The following AKR7A2 variants were observed in gnomAD, a reference collection of about 807,000 sequenced individuals.
AKR7A2 encodes the protein aldo-keto reductase family 7 member A2, also known as aflatoxin B1 aldehyde reductase member 2.
In AKR7A2, 29 loss-of-function variants were observed where a neutral mutation model predicts 37.3. That is an observed-to-expected ratio of 0.78 (90% CI 0.58 to 1.06). The LOEUF (loss-of-function observed/expected upper bound fraction) is 1.06. Ranked by LOEUF, AKR7A2 falls within the 50% of genes least tolerant of loss-of-function variation. The pLI is 0.00. For missense variants in AKR7A2, 529 were observed against 497.9 expected (o/e 1.06, Z -0.59); for synonymous variants, 228 against 217.8 (o/e 1.05, Z -0.41).
rs765115011 is a variant in AKR7A2 at position 19,311,943 on chromosome 1, C to T, written c.182G>A (p.Arg61His). 6.3e-7 allele frequency: 1 copy of T among 1,597,748 alleles called. No homozygotes were observed. Among genetic ancestry groups the T allele is most frequent in the Non-Finnish European group, 8.5e-7 (1 of 1,173,356 alleles). ...GGTGTGGCCGCGCTCCAGAAAGGCG[C>T]GCACGGCCGCGGCGCTGGCGGGCGC... is the stretch of plus-strand genomic sequence containing the variant. ...MDAPASAAAV[R>H]AFLERGHTEL... Residue 61 changes from arginine to histidine, a missense_variant, in exon 1 of 7, where the codon CGC (arginine) becomes CAC (histidine). Arg to His is a conservative substitution (Grantham distance 29). Transcript: ENST00000235835.
At chr1:19,307,878 C>A in intron 3 of AKR7A2, 1 of 556,430 alleles carries the variant, frequency 1.8e-6, no homozygotes, top group Non-Finnish European at 3.2e-6. Flanking sequence ...AGTGCTTCTC[C>A]CAGGGAGGAG....
At chr1:19,311,102 T>A (rs1343375048) in intron 1 of AKR7A2, among the ~76,000 whole-genome samples, 1 of 152,208 alleles carries the variant, frequency 6.6e-6, no homozygotes, top group Non-Finnish European at 1.5e-5. Flanking sequence ...AAGGCTGAGC[T>A]CCATCCAGCA....
At chr1:19,305,910 A>C in intron 6 of AKR7A2, 108 bp downstream of exon 6, 1 of 1,586,722 alleles carries the variant, frequency 6.3e-7, no homozygotes, top group Non-Finnish European at 8.6e-7. Context: ...AATTGGAAGA[A>C]AGAAAAATTT....
Position 19,304,012 on chromosome 1 carries a change from G to T in AKR7A2, c.*213C>A. On this transcript the variant is annotated 3_prime_UTR_variant, in exon 7 of 7. Transcript: ENST00000235835. Reference sequence around the variant, plus strand: ...TAGGCTACAGCCAGGTCAAGTGCCTGCTTTATTCAACAGGAAGCGCTCAAG... The same window carrying T: ...TAGGCTACAGCCAGGTCAAGTGCCTTCTTTATTCAACAGGAAGCGCTCAAG... 1.3e-6 allele frequency: 1 copy of T among 763,374 alleles called. No homozygotes were observed. The highest frequency in any genetic ancestry group is 2.2e-6 in the Non-Finnish European group (1 of 464,884). The allele number at this position is 763,374 out of a possible 1,614,324, so 47.3% of individuals were successfully genotyped here.
At position 19,312,085 on chromosome 1, in the gene AKR7A2, C is replaced by T. The variant is rs1172196781; in HGVS notation, c.40G>A (p.Val14Ile). Residue 14 changes from valine (V) to isoleucine (I), a missense_variant, in exon 1 of 7, where the codon GTC (valine) becomes ATC (isoleucine). Val to Ile is a conservative substitution (Grantham distance 29). Coordinates refer to ENST00000235835, the MANE Select transcript of AKR7A2 (RefSeq NM_003689.4). ...AASRVVSRAA[V>I]HCALRSPPPE... is the part of the protein sequence containing the mutation. Reference sequence around the variant, plus strand: ...GGCGGAGAGCGAAGCGCGCAGTGGACGGCGGCGCGGGAGACTACGCGAGAC... The same window carrying T: ...GGCGGAGAGCGAAGCGCGCAGTGGATGGCGGCGCGGGAGACTACGCGAGAC... 1 of 1,340,884 alleles carries T rather than the reference C, an allele frequency of 7.5e-7. No homozygotes were observed. Among genetic ancestry groups the T allele is most frequent in the Non-Finnish European group, 9.5e-7 (1 of 1,056,316 alleles). The allele number at this position is 1,340,884 out of a possible 1,614,324, so 83.1% of individuals were successfully genotyped here.
intron 3 of AKR7A2, chr1:19,307,838 C>T (rs2093764562): frequency 1.9e-6 from 1 of 520,362 alleles, no homozygotes. Context: ...AGAAAGGCTT[C>T]CAGAGGAGGA....
rs541997685 is a variant in AKR7A2 at position 19,308,097 on chromosome 1, A to G, written c.591+61T>C. The G allele has an allele frequency of 3.4e-5, 54 of 1,605,828 alleles. No individual in the cohort carries two copies. In the African/African-American group the frequency reaches 7.1e-4, roughly 21 times the overall value. ...GGCACAGGGGGCAGTCAGGGGGGCA[A>G]AGAGAGCCCAGGATTAGCAGGAGTC... is the stretch of plus-strand genomic sequence containing the variant. On this transcript the variant is annotated intron_variant, in intron 3 of 6. Transcript: ENST00000235835.
rs1257156082 is a variant in AKR7A2 at position 19,304,344 on chromosome 1, C to T, written c.961G>A (p.Glu321Lys). The change falls in exon 7 of 7, where the codon GAG becomes AAG. Residue 321 changes from glutamate (E) to lysine (K), a missense_variant. Glu to Lys is a moderately conservative substitution (Grantham distance 56). Transcript: ENST00000235835. Reference protein sequence around the residue: ...DAVILGMSSLEQLEQNLAATE... With the variant: ...DAVILGMSSLKQLEQNLAATE... ...GCTGCCAAGTTCTGCTCCAGCTGCT[C>T]CAGGCTGGACATGCCCAGGATGACC... The T allele has an allele frequency of 6.2e-7, 1 of 1,614,044 alleles. No individual in the cohort carries two copies. The highest frequency in any genetic ancestry group is 8.5e-7 in the Non-Finnish European group (1 of 1,180,046).
intron 4 of AKR7A2, 81 bp downstream of exon 4, chr1:19,307,233 C>A: frequency 6.2e-7 from 1 of 1,604,784 alleles, no homozygotes; most frequent in Non-Finnish European, 8.5e-7. Context: ...TCTTGTCAAA[C>A]CCTCCCTGCT....
At chr1:19,310,457 G>T (rs1240115612) in intron 1 of AKR7A2, among the ~76,000 whole-genome samples, 1 of 152,118 alleles carries the variant, frequency 6.6e-6, no homozygotes, top group Non-Finnish European at 1.5e-5. Context: ...CAGCACTTTG[G>T]GAGGCTGAGG....
At chr1:19,303,199 C>G (rs765941979), downstream of AKR7A2, among the ~76,000 whole-genome samples, 1 of 152,084 alleles carries the variant, frequency 6.6e-6, no homozygotes, top group Non-Finnish European at 1.5e-5. Flanking sequence ...CCCCGGAGGT[C>G]AAAATTGCTG....
At position 19,308,505 on chromosome 1, in the gene AKR7A2, C is replaced by T. The variant is rs761320700; in HGVS notation, c.436G>A (p.Gly146Ser). The T allele has an allele frequency of 3.7e-6, 6 of 1,614,040 alleles. No individual in the cohort carries two copies. In the African/African-American group the frequency reaches 4.0e-5, roughly 11 times the overall value. ...DLFYLHAPDHGTPVEETLHAC... is the reference protein window; with the variant it reads ...DLFYLHAPDHSTPVEETLHAC... ...TGCAGCGTCTCTTCCACCGGGGTGC[C>T]GTGGTCAGGTGCGTGTAGGTAGAAG... The change falls in exon 2 of 7, where the codon GGC (glycine) becomes AGC (serine). Residue 146 changes from glycine (G) to serine (S), a missense_variant. Physicochemically the swap from Gly to Ser is moderately conservative, Grantham distance 56 (BLOSUM62 0). Coordinates refer to ENST00000235835, the MANE Select transcript of AKR7A2 (RefSeq NM_003689.4).
rs531443451 is a variant in AKR7A2, at chr1:19,304,437, C to T, written c.919-51G>A. 7 of 1,613,724 alleles carry T rather than the reference C, an allele frequency of 4.3e-6. No individual in the cohort carries two copies. The South Asian group carries it at 5.5e-5, about 13-fold the overall frequency. On this transcript the variant is annotated intron_variant, in intron 6 of 6. Transcript: ENST00000235835. ...ACCCTCTTCTGCTGCACAGCGACTC[C>T]ACTCACAGCCGTCCCAGCCACCTCC...
intron 3 of AKR7A2, 147 bp downstream of exon 3, chr1:19,308,011 T>C (rs959758158): frequency 1.1e-5 from 11 of 1,022,494 alleles, no homozygotes; most frequent in Non-Finnish European, 1.7e-5. Context: ...TTGAATGGCA[T>C]CCTGAGGGTA....
chr1:19,308,200 G>C lies in AKR7A2; in HGVS notation c.549C>G (p.Thr183=), dbSNP rs767492017. ...YASWEVAEIC[T]LCKSNGWILP... is the part of the protein sequence containing the mutation. ...GGATCCAGCCATTGCTCTTGCAGAG[G>C]GTACAGATCTCGGCCACTTCCCAGC... Residue 183 remains threonine, a synonymous_variant, in exon 3 of 7, where the codon ACC becomes ACG. Transcript: ENST00000235835. The C allele has an allele frequency of 3.1e-6, 5 of 1,614,086 alleles. No homozygotes were observed. The highest frequency in any genetic ancestry group is 4.2e-6 in the Non-Finnish European group (5 of 1,179,982).
In AKR7A2 at chr1:19,306,035, G is replaced by A. The variant is rs563195054; in HGVS notation, c.901C>T (p.His301Tyr). ...CTGGTTACCTGCAGCTGTGAGTGGT[G>A]GTACATCCACCGGAGGGCAGCCGAG... is the stretch of plus-strand genomic sequence containing the variant. ...VTSAALRWMY[H>Y]HSQLQGAHGD... Residue 301 changes from histidine to tyrosine, a missense_variant, in exon 6 of 7, where the codon CAC becomes TAC. Transcript: ENST00000235835. 1 of 1,614,060 alleles carries A rather than the reference G, an allele frequency of 6.2e-7. No individual in the cohort carries two copies. Among genetic ancestry groups the A allele is most frequent in the East Asian group, 2.2e-5 (1 of 44,888 alleles).
chr1:19,311,776 G>T (rs1208365026), intron 1 of AKR7A2, 51 bp downstream of exon 1: 15 of 1,605,920 alleles, frequency 9.3e-6, no homozygotes, highest in Non-Finnish European at 1.2e-5. Context: ...CACGGCTGGG[G>T]ACAGGCTCAG....
chr1:19,307,550 G>C (rs1313511554), intron 3 of AKR7A2, 140 bp from the exon 4 acceptor site: 8 of 939,536 alleles, frequency 8.5e-6, no homozygotes, highest in Non-Finnish European at 1.3e-5. Context: ...AGGGGATGGA[G>C]GGAAGGTGTT....
chr1:19,304,362 G>A lies in AKR7A2; in HGVS notation c.943C>T (p.Leu315=). The stretch of plus-strand genomic sequence containing the variant: ...AGCTGCTCCAGGCTGGACATGCCCA[G>A]GATGACCGCGTCCCCGTGGGCACCC... The part of the protein sequence containing the change: ...LQGAHGDAVI[L]GMSSLEQLEQ... The change falls in exon 7 of 7, where the codon CTG becomes TTG. Residue 315 remains leucine (L), a synonymous_variant. Transcript: ENST00000235835. 6.2e-7 allele frequency: 1 copy of A among 1,614,000 alleles called. No individual in the cohort carries two copies. The highest frequency in any genetic ancestry group is 2.2e-5 in the East Asian group (1 of 44,892).
Sources: gnomAD v4.1 joint callset for allele counts (sites outside exome capture counted in the v4.1 genomes callset) on GRCh38, gnomAD v4.1.1 for gene constraint, MANE v1.5 for transcripts, NCBI Gene and HGNC (gene_info 2026-07-23, HGNC 2026-07-21) for gene names.